Variants in UGT2B17 observed in about 807,000 individuals in gnomAD.
UGT2B17 encodes the protein UDP-glucuronosyltransferase 2B17.
Under a neutral mutation model 48.2 loss-of-function variants are expected in UGT2B17, and 21 were observed. The ratio of observed to expected loss-of-function variants is 0.44; its 90% CI spans 0.31 to 0.63. UGT2B17 has a LOEUF of 0.63. UGT2B17 is among the 20% of genes least tolerant of loss of function. The pLI is 0.08. For missense variants in UGT2B17, 402 were observed against 696.1 expected (o/e 0.58, Z 4.75); for synonymous variants, 146 against 238.4 (o/e 0.61, Z 3.57).
At chr4:68,547,576 G>T (rs1478518145) in intron 6 of UGT2B17, among the ~76,000 whole-genome samples, 1 of 125,072 alleles carries the variant, frequency 8.0e-6, no homozygotes, top group Non-Finnish European at 1.7e-5. Context: ...TTGACAAATG[G>T]GATCTCATTA....
At chr4:68,538,113 A>G (rs1266350219) in intron 6 of UGT2B17, among the ~76,000 whole-genome samples, 1 of 126,818 alleles carries the variant, frequency 7.9e-6, no homozygotes, top group African/African-American at 2.7e-5. Flanking sequence ...ACCTTTAAAA[A>G]TGAAAAATGG....
chr4:68,546,089 C>T (rs1730798663), intron 6 of UGT2B17, among the ~76,000 whole-genome samples: 1 of 125,688 alleles, frequency 8.0e-6, no homozygotes, highest in African/African-American at 2.7e-5. Context: ...CCAACATCAT[C>T]CTGATACCAA....
chr4:68,540,532 C>T (rs1730636542), intron 6 of UGT2B17, among the ~76,000 whole-genome samples: 1 of 126,634 alleles, frequency 7.9e-6, no homozygotes, highest in African/African-American at 2.7e-5. Context: ...CTATGTTGGC[C>T]AGGAGTATGG....
chr4:68,573,768 T>C (rs1731328937), intron 1 of UGT2B17, among the ~76,000 whole-genome samples: 1 of 126,544 alleles, frequency 7.9e-6, no homozygotes, highest in Non-Finnish European at 1.7e-5. Flanking sequence ...GGCTGATTGA[T>C]TGATAAGCTC....
At chr4:68,558,944 T>C (rs1423376220) in intron 4 of UGT2B17, among the ~76,000 whole-genome samples, 1 of 125,556 alleles carries the variant, frequency 8.0e-6, no homozygotes, top group Non-Finnish European at 1.7e-5. Flanking sequence ...ATAAACTTTC[T>C]AAATGTACTG....
intron 1 of UGT2B17, among the ~76,000 whole-genome samples, chr4:68,574,240 A>G (rs1731335176): frequency 7.9e-6 from 1 of 127,260 alleles, no homozygotes; most frequent in Non-Finnish European, 1.7e-5. Context: ...ATTAGTTTTT[A>G]GACCAAAGAA....
In UGT2B17 at chr4:68,550,797, G is replaced by T. The variant is rs377204498; in HGVS notation, c.1193C>A (p.Ala398Glu). 117 of 1,386,090 alleles carry T rather than the reference G, an allele frequency of 8.4e-5. 31 individuals carry two copies. The highest frequency in any genetic ancestry group is 7.8e-4 in the Middle Eastern group (4 of 5,152). 85.9% of individuals were successfully genotyped at this position (1,386,090 alleles called of 1,614,324 possible). ...GTGAGCAATGTTATCATGTTGATCC[G>T]CAAACAAGGGAATGCCCACCATAGG... is the stretch of plus-strand genomic sequence containing the variant. ...GIPMVGIPLF[A>E]DQHDNIAHMK... Residue 398 changes from alanine to glutamate, a missense_variant, in exon 6 of 7, where the codon GCG (alanine) becomes GAG (glutamate). Ala to Glu is a moderately radical substitution (Grantham distance 107). This residue lies in a region of UGT2B17 where 156 missense variants were observed against 258.6 expected (regional missense o/e 0.60). Coordinates refer to ENST00000317746, the MANE Select transcript of UGT2B17 (RefSeq NM_001077.4).
chr4:68,567,863 A>C lies in UGT2B17; in HGVS notation c.622T>G (p.Phe208Val). ...VMSELSDQMI[F>V]MERIKNMIYM... ...ATCATATTTTTTATCCTCTCCATGA[A>C]AATCATTTGATCACTTAATTCTGAC... Residue 208 changes from phenylalanine (F) to valine (V), a missense_variant, in exon 2 of 7, where the codon TTC (phenylalanine) becomes GTC (valine). Transcript: ENST00000317746. The C allele has an allele frequency of 7.3e-7, 1 of 1,377,060 alleles. No homozygotes were observed. The highest frequency in any genetic ancestry group is 9.5e-7 in the Non-Finnish European group (1 of 1,054,154). 85.3% of individuals were successfully genotyped at this position (1,377,060 alleles called of 1,614,324 possible).
rs1188115760 is a variant in UGT2B17 at position 68,571,530 on chromosome 4, G to A, written c.-64-2982C>T. The stretch of plus-strand genomic sequence containing the variant: ...ACTGTTTTTGTGGTACTATTATAGA[G>A]CTTTTGTCTAAGACAGCTAAGCTGC... On this transcript the variant is annotated intron_variant, in intron 1 of 6. Coordinates refer to ENST00000317746, the MANE Select transcript of UGT2B17 (RefSeq NM_001077.4). Among the ~76,000 whole-genome samples, 6 of 126,604 alleles carry A rather than the reference G, an allele frequency of 4.7e-5. 1 individual carries two copies. The highest frequency in any genetic ancestry group is 1.0e-4 in the Non-Finnish European group (6 of 59,638). The allele number at this position is 126,604 out of a possible 152,430, so 83.1% of individuals were successfully genotyped here.
chr4:68,537,629 T>C lies in UGT2B17; in HGVS notation c.1589A>G (p.Asp530Gly), dbSNP rs1367577374. Residue 530 changes from aspartate (D) to glycine (G), a missense_variant, in exon 7 of 7, where the codon GAT becomes GGT. Around this residue, in one of 5 missense-constraint regions of UGT2B17, gnomAD observed 156 missense variants for 258.6 expected, o/e 0.60. Transcript: ENST00000317746. ...LAKTGKKKKR[D>G] ...CACTTCAGGCTTTTGATATAACTAA[T>C]CCCTTTTCTTCTTCTTTCCTGTTTT... 5.1e-6 allele frequency: 7 copies of C among 1,367,494 alleles called. 2 individuals carry two copies. Among genetic ancestry groups the C allele is most frequent in the Admixed American group, 4.0e-5 (2 of 49,754 alleles). 84.7% of individuals were successfully genotyped at this position (1,367,494 alleles called of 1,614,324 possible).
In UGT2B17 at chr4:68,551,178, T is replaced by A. The variant is rs115012272; in HGVS notation, c.1094-282A>T. Among the ~76,000 whole-genome samples the A allele has an allele frequency of 0.021, 2,571 of 125,030 alleles. 593 individuals carry two copies. The highest frequency in any genetic ancestry group is 0.062 in the East Asian group (80 of 1,294). 82.0% of individuals were successfully genotyped at this position (125,030 alleles called of 152,430 possible). A position where few individuals can be genotyped will look rare whatever the true frequency, so the allele number is the denominator to read the frequency against. ...ACAAAATGAAAAAACATATTCTTAA[T>A]TAAAAAATTAAAATGTGCAAAAAAG... On this transcript the variant is annotated intron_variant, in intron 5 of 6. Transcript: ENST00000317746.
Position 68,541,553 on chromosome 4 carries a change from C to T in UGT2B17, c.1314-3649G>A, listed in dbSNP as rs896082983. The stretch of plus-strand genomic sequence containing the variant: ...TAGATTCTGGATATTGGACCTTTGT[C>T]AGAGGGATAGATTGCAAAAATGTTC... On this transcript the variant is annotated intron_variant, in intron 6 of 6. Transcript: ENST00000317746. 7.9e-5 allele frequency among the ~76,000 whole-genome samples: 10 copies of T among 125,882 alleles called. 2 individuals carry two copies. Among genetic ancestry groups the T allele is most frequent in the Non-Finnish European group, 1.5e-4 (9 of 59,580 alleles). 82.6% of individuals were successfully genotyped at this position (125,882 alleles called of 152,430 possible). A position where few individuals can be genotyped will look rare whatever the true frequency, so the allele number is the denominator to read the frequency against.
At chr4:68,549,418 G>T (rs1730876653) in intron 6 of UGT2B17, among the ~76,000 whole-genome samples, 1 of 123,716 alleles carries the variant, frequency 8.1e-6, no homozygotes, top group African/African-American at 2.7e-5. Flanking sequence ...ATAAGGGATA[G>T]TATCTATAAC....
At position 68,549,563 on chromosome 4, in the gene UGT2B17, T is replaced by C. The variant is rs1423093876; in HGVS notation, c.1313+1114A>G. On this transcript the variant is annotated intron_variant, in intron 6 of 6. Coordinates refer to ENST00000317746, the MANE Select transcript of UGT2B17 (RefSeq NM_001077.4). ...GCACATGAAAAGAGGGTTAACATCTTCAGCCATAAGGAAATGCAAATGAAA... is the reference window on the plus strand; with the variant it reads ...GCACATGAAAAGAGGGTTAACATCTCCAGCCATAAGGAAATGCAAATGAAA... Among the ~76,000 whole-genome samples, 3 of 125,046 alleles carry C rather than the reference T, an allele frequency of 2.4e-5. 1 individual carries two copies. Among genetic ancestry groups the C allele is most frequent in the Non-Finnish European group, 5.1e-5 (3 of 59,130 alleles). 82.0% of individuals were successfully genotyped at this position (125,046 alleles called of 152,430 possible). A position where few individuals can be genotyped will look rare whatever the true frequency, so the allele number is the denominator to read the frequency against.
At chr4:68,551,625 G>A (rs1353233981) in intron 5 of UGT2B17, among the ~76,000 whole-genome samples, 199 bp downstream of exon 5, 1 of 125,964 alleles carries the variant, frequency 7.9e-6, no homozygotes, top group African/African-American at 2.7e-5. Context: ...TAAAGAATGT[G>A]ACTGTATGTA....
chr4:68,568,452 C>T lies in UGT2B17; in HGVS notation c.33G>A (p.Leu11=), dbSNP rs1332286172. ...AGCTAAAGTAACAACTGAGCTGCAT[C>T]AGCAGAAAGACTGACATCCATTTCA... MSLKWMSVFL[L]MQLSCYFSSG... The change falls in exon 2 of 7, where the codon CTG becomes CTA. Residue 11 remains leucine (L), a synonymous_variant. Transcript: ENST00000317746. 2 of 1,362,696 alleles carry T rather than the reference C, an allele frequency of 1.5e-6. No homozygotes were observed. The highest frequency in any genetic ancestry group is 1.9e-6 in the Non-Finnish European group (2 of 1,050,792). The allele number at this position is 1,362,696 out of a possible 1,614,324, so 84.4% of individuals were successfully genotyped here. A position where few individuals can be genotyped will look rare whatever the true frequency, so the allele number is the denominator to read the frequency against.
chr4:68,548,008 G>A lies in UGT2B17; in HGVS notation c.1313+2669C>T, dbSNP rs566555038. 2.4e-5 allele frequency among the ~76,000 whole-genome samples: 3 copies of A among 126,770 alleles called. 1 individual carries two copies. The highest frequency in any genetic ancestry group is 1.5e-3 in the East Asian group (2 of 1,304). The allele number at this position is 126,770 out of a possible 152,430, so 83.2% of individuals were successfully genotyped here. A position where few individuals can be genotyped will look rare whatever the true frequency, so the allele number is the denominator to read the frequency against. ...GTAAACTAGTTCAACCATTGTGGAA[G>A]TCAGTGTGGCGATTCCTCAGGGATC... is the stretch of plus-strand genomic sequence containing the variant. On this transcript the variant is annotated intron_variant, in intron 6 of 6. Coordinates refer to ENST00000317746, the MANE Select transcript of UGT2B17 (RefSeq NM_001077.4).
rs191111100 is a variant in UGT2B17, at chr4:68,546,325, C to A, written c.1313+4352G>T. Among the ~76,000 whole-genome samples the A allele has an allele frequency of 6.3e-5, 8 of 126,194 alleles. 1 individual carries two copies. In the Admixed American group the frequency reaches 6.5e-4, roughly 10 times the overall value. The allele number at this position is 126,194 out of a possible 152,430, so 82.8% of individuals were successfully genotyped here. A position where few individuals can be genotyped will look rare whatever the true frequency, so the allele number is the denominator to read the frequency against. On this transcript the variant is annotated intron_variant, in intron 6 of 6. Transcript: ENST00000317746. The stretch of plus-strand genomic sequence containing the variant: ...CATAAACAGAACCAATGACAAAAAC[C>A]ACATGATTATCTCAATAGATGCAGA...
rs267600213 is a variant in UGT2B17 at position 68,537,840 on chromosome 4, G to A, written c.1378C>T (p.Arg460Ter). 8.7e-6 allele frequency: 12 copies of A among 1,378,406 alleles called. 2 individuals carry two copies. The highest frequency in any genetic ancestry group is 6.7e-5 in the South Asian group (4 of 59,824). The allele number at this position is 1,378,406 out of a possible 1,614,324, so 85.4% of individuals were successfully genotyped here. A position where few individuals can be genotyped will look rare whatever the true frequency, so the allele number is the denominator to read the frequency against. ...HHDQPVKPLDRAVFWIEFVMR... is the reference protein window; with the variant it reads ...HHDQPVKPLD ...ACAAACTCAATCCAGAAGACTGCTC[G>A]ATCCAGGGGCTTCACCGGTTGATCA... is the stretch of plus-strand genomic sequence containing the variant. The change falls in exon 7 of 7, where the codon CGA (arginine) becomes TGA (stop). Residue 460 changes from arginine (R) to a stop codon, truncating the protein, a stop_gained. Coordinates refer to ENST00000317746, the MANE Select transcript of UGT2B17 (RefSeq NM_001077.4). LOFTEE classifies it low-confidence loss of function (END_TRUNC).
Sources: allele counts gnomAD v4.1 joint callset (sites outside exome capture counted in the v4.1 genomes callset), GRCh38; gene constraint gnomAD v4.1.1; regional missense constraint gnomAD v4.1.1; transcripts MANE v1.5; gene names NCBI Gene and HGNC (gene_info 2026-07-23, HGNC 2026-07-21).